Variants in IKZF4 observed in about 807,000 individuals in gnomAD.
IKZF4 encodes the protein IKAROS family zinc finger 4, also known as zinc finger protein Eos.
IKZF4 carries 11 observed loss-of-function variants against 47.7 expected under a neutral mutation model. The ratio of observed to expected loss-of-function variants is 0.23; its 90% CI spans 0.15 to 0.38. IKZF4 has a LOEUF of 0.38. IKZF4 is among the 10% of genes least tolerant of loss of function. IKZF4 has a pLI of 1.00. For missense variants in IKZF4, 557 were observed against 784.9 expected (o/e 0.71, Z 3.47); for synonymous variants, 298 against 299.4 (o/e 1.00, Z 0.05).
intron 1 of IKZF4, chr12:56,021,971 C>A (rs1474990158): frequency 8.5e-6 from 2 of 234,086 alleles, no homozygotes; most frequent in Non-Finnish European, 1.7e-5. Flanking sequence ...CAGCCTGGAA[C>A]AGAGATCTGA....
At chr12:56,032,475 A>G in intron 5 of IKZF4, 86 bp from the exon 6 acceptor site, 1 of 1,320,272 alleles carries the variant, frequency 7.6e-7, no homozygotes. Context: ...TTCCCATGCC[A>G]GTGTATACTT....
intron 5 of IKZF4, among the ~76,000 whole-genome samples, chr12:56,030,602 G>A (rs1478568352): frequency 6.6e-6 from 1 of 152,100 alleles, no homozygotes; most frequent in Non-Finnish European, 1.5e-5. Context: ...GGTGGCGCAT[G>A]CCTGTAATCC....
chr12:56,018,032 C>G (rs535287750), upstream of IKZF4: 9 of 810,844 alleles, frequency 1.1e-5, no homozygotes, highest in Non-Finnish European at 1.4e-5. Flanking sequence ...CTTAAGTGCT[C>G]CTTTAGGTTT....
chr12:56,031,007 C>T (rs113918566), intron 5 of IKZF4, among the ~76,000 whole-genome samples: 17 of 152,282 alleles, frequency 1.1e-4, no homozygotes, highest in African/African-American at 4.1e-4. Flanking sequence ...GTCATCCTAG[C>T]CTTTGGGAGG....
Position 56,021,223 on chromosome 12 carries a change from C to T in IKZF4, c.-271C>T. The T allele has an allele frequency of 7.0e-7, 1 of 1,438,640 alleles. No individual in the cohort carries two copies. The highest frequency in any genetic ancestry group is 9.1e-7 in the Non-Finnish European group (1 of 1,095,448). The allele number at this position is 1,438,640 out of a possible 1,614,324, so 89.1% of individuals were successfully genotyped here. ...CACTATATACACATATACATTCTCT[C>T]CAGCCCCCTCCCCAAGCACATCCAA... is the stretch of plus-strand genomic sequence containing the variant. On this transcript the variant is annotated 5_prime_UTR_variant, in exon 1 of 8. Transcript: ENST00000547167.
chr12:56,019,391 AT>A (rs956943974), upstream of IKZF4: 2 of 984,452 alleles, frequency 2.0e-6, no homozygotes, highest in Non-Finnish European at 2.4e-6. Context: ...TATGAGAGTC[AT>A]TGGCAACACC....
At chr12:56,013,667 T>C (rs957466651) in intron 2 of IKZF4, among the ~76,000 whole-genome samples, 5 of 152,170 alleles carry the variant, frequency 3.3e-5, no homozygotes, top group Non-Finnish European at 7.4e-5. Flanking sequence ...GCCTGGCTGG[T>C]TAGGCAGGGG....
intron 5 of IKZF4, among the ~76,000 whole-genome samples, chr12:56,029,037 G>A (rs1894509040): frequency 6.6e-6 from 1 of 152,094 alleles, no homozygotes; most frequent in South Asian, 2.1e-4. Flanking sequence ...ACCACCAGAG[G>A]TCTTGAGCAA....
chr12:56,027,812 G>A lies in IKZF4; in HGVS notation c.580G>A (p.Ala194Thr). 6.2e-7 allele frequency: 1 copy of A among 1,613,396 alleles called. No homozygotes were observed. The highest frequency in any genetic ancestry group is 8.5e-7 in the Non-Finnish European group (1 of 1,179,618). Residue 194 changes from alanine to threonine, a missense_variant, in exon 5 of 8, where the codon GCC (alanine) becomes ACC (threonine). Physicochemically the swap from Ala to Thr is moderately conservative, Grantham distance 58. This residue lies in a region of IKZF4 where 27 missense variants were observed against 85.4 expected (regional missense o/e 0.32). Coordinates refer to ENST00000547167, the MANE Select transcript of IKZF4 (RefSeq NM_022465.4). ...GCCCTTCCATTGCAACCAGTGTGGT[G>A]CCTCCTTCACCCAGAAGGGGAACCT... is the stretch of plus-strand genomic sequence containing the variant. ...ERPFHCNQCGASFTQKGNLLR... is the reference protein window; with the variant it reads ...ERPFHCNQCGTSFTQKGNLLR...
Position 56,021,407 on chromosome 12 carries a change from G to A in IKZF4, c.-87G>A. ...GTGCCGCTGCTGCTGCCTGCGAAAT[G>A]ACGGCGGTTCCCCTCACTTCCAGGA... On this transcript the variant is annotated 5_prime_UTR_variant, in exon 1 of 8. It removes an upstream start codon present in the reference 5' UTR. Coordinates refer to ENST00000547167, the MANE Select transcript of IKZF4 (RefSeq NM_022465.4). 6.5e-7 allele frequency: 1 copy of A among 1,550,226 alleles called. No individual in the cohort carries two copies. Among genetic ancestry groups the A allele is most frequent in the Non-Finnish European group, 8.7e-7 (1 of 1,147,120 alleles).
Position 56,028,056 on chromosome 12 carries a change from G to C in IKZF4, c.715+109G>C, listed in dbSNP as rs370018599. The C allele has an allele frequency of 3.2e-6, 4 of 1,231,004 alleles. No homozygotes were observed. The East Asian group carries it at 8.4e-5, about 26-fold the overall frequency. 76.3% of individuals were successfully genotyped at this position (1,231,004 alleles called of 1,614,324 possible). A position where few individuals can be genotyped will look rare whatever the true frequency, so the allele number is the denominator to read the frequency against. ...GAGTTCCAGTGTCTGTCATTGAGGA[G>C]GGGGGAGCATTTACAGAGCAGATAG... On this transcript the variant is annotated intron_variant, in intron 5 of 7. Transcript: ENST00000547167.
intron 1 of IKZF4, chr12:56,021,810 C>G: frequency 1.6e-6 from 1 of 633,888 alleles, no homozygotes. Flanking sequence ...AAGACGGCGA[C>G]TTGGACAGTG....
chr12:56,025,589 G>C (rs1893828023), intron 3 of IKZF4, among the ~76,000 whole-genome samples: 1 of 152,108 alleles, frequency 6.6e-6, no homozygotes, highest in African/African-American at 2.4e-5. Context: ...TAAATGGTTG[G>C]AGTAGCCAGG....
Position 56,037,431 on chromosome 12 carries a change from T to A in IKZF4, c.*2100T>A, listed in dbSNP as rs898499646. 1.4e-4 allele frequency: 22 copies of A among 152,370 alleles called. No individual in the cohort carries two copies. Among genetic ancestry groups the A allele is most frequent in the Non-Finnish European group, 4.4e-5 (3 of 68,058 alleles). 9.4% of individuals were successfully genotyped at this position (152,370 alleles called of 1,614,324 possible). ...AGAATGTCAGCAGAGCTGAGATTAA[T>A]ATCTGGGCTTTTCCTGAACTATTCT... On this transcript the variant is annotated 3_prime_UTR_variant, in exon 8 of 8. Coordinates refer to ENST00000547167, the MANE Select transcript of IKZF4 (RefSeq NM_022465.4).
At chr12:56,016,499 G>A (rs1475828543), upstream of IKZF4, among the ~76,000 whole-genome samples, 2 of 147,118 alleles carry the variant, frequency 1.4e-5, no homozygotes, top group Admixed American at 6.9e-5. Flanking sequence ...TCGGTGCACC[G>A]CAACCTCCAC....
chr12:56,009,353 G>A (rs757389680), intron 1 of IKZF4, among the ~76,000 whole-genome samples: 51 of 151,998 alleles, frequency 3.4e-4, no homozygotes, highest in Non-Finnish European at 6.6e-4. Context: ...CCAGATAAAA[G>A]GCCAAATCAG....
At chr12:56,033,961 A>G (rs1388550175) in intron 7 of IKZF4, among the ~76,000 whole-genome samples, 1 of 152,130 alleles carries the variant, frequency 6.6e-6, no homozygotes, top group East Asian at 1.9e-4. Context: ...ATGCAGTGGC[A>G]CGATCTCGGC....
chr12:56,034,976 C>A lies in IKZF4; in HGVS notation c.1403C>A (p.Ala468Glu), dbSNP rs375455554. 3.2e-6 allele frequency: 5 copies of A among 1,560,416 alleles called. No homozygotes were observed. The African/African-American group carries it at 5.4e-5, about 17-fold the overall frequency. ...GAAAGCAACCACGAAGATCGGGTTGCGGGGGTGGTATCCCTCCCTCAGGGT... is the reference window on the plus strand; with the variant it reads ...GAAAGCAACCACGAAGATCGGGTTGAGGGGGTGGTATCCCTCCCTCAGGGT... Reference protein sequence around the residue: ...DTESNHEDRVAGVVSLPQGPP... With the variant: ...DTESNHEDRVEGVVSLPQGPP... Residue 468 changes from alanine to glutamate, a missense_variant, in exon 8 of 8, where the codon GCG becomes GAG. Around this residue, in one of 6 missense-constraint regions of IKZF4, gnomAD observed 280 missense variants for 314.0 expected, o/e 0.89. Transcript: ENST00000547167.
chr12:56,023,581 T>C (rs1893440044), intron 1 of IKZF4, 90 bp from the exon 2 acceptor site: 2 of 1,453,396 alleles, frequency 1.4e-6, no homozygotes, highest in East Asian at 2.4e-5. Context: ...TTTGACGGGA[T>C]AGAATGGGGA....
Sources: gnomAD v4.1 joint callset for allele counts (sites outside exome capture counted in the v4.1 genomes callset) on GRCh38, gnomAD v4.1.1 for gene constraint, gnomAD v4.1.1 regional missense constraint, MANE v1.5 for transcripts, NCBI Gene and HGNC (gene_info 2026-07-23, HGNC 2026-07-21) for gene names.